The following NUBPL variants were observed in gnomAD, a reference collection of about 807,000 sequenced individuals.
The protein encoded by NUBPL is NUBP iron-sulfur cluster assembly factor, mitochondrial, also known as iron-sulfur cluster transfer protein NUBPL.
A neutral mutation model predicts 45.7 loss-of-function variants in NUBPL; 31 were observed. The observed-to-expected ratio is 0.68, with a 90% CI of 0.51 to 0.92. The LOEUF (loss-of-function observed/expected upper bound fraction) is 0.92. Among genes scored for constraint, NUBPL ranks in the 40% least tolerant of loss-of-function variants. The probability of loss-of-function intolerance (pLI) is 0.00; values close to 1 mark genes in which losing one functional copy is unlikely to be tolerated. For missense variants in NUBPL, 401 were observed against 398.7 expected (o/e 1.01, Z -0.05); for synonymous variants, 144 against 140.9 (o/e 1.02, Z -0.15).
intron 7 of NUBPL, among the ~76,000 whole-genome samples, chr14:31,823,683 G>A (rs60006676): frequency 0.35 from 53,446 of 151,848 alleles, 10,131 homozygotes; most frequent in South Asian, 0.44. Context: ...TCTAGTGCAG[G>A]CATTAGTTTT....
At chr14:31,805,685 T>A (rs2039671690) in intron 7 of NUBPL, among the ~76,000 whole-genome samples, 2 of 152,032 alleles carry the variant, frequency 1.3e-5, no homozygotes, top group African/African-American at 4.8e-5. Context: ...TGTTCTCACT[T>A]ATAAGTGGGA....
chr14:31,664,668 T>C (rs2036360989), intron 4 of NUBPL, among the ~76,000 whole-genome samples: 1 of 152,230 alleles, frequency 6.6e-6, no homozygotes, highest in East Asian at 1.9e-4. Flanking sequence ...CACATCGATG[T>C]TCATCAGGGA....
chr14:31,722,707 C>T (rs1426882864), intron 6 of NUBPL, among the ~76,000 whole-genome samples: 1 of 152,144 alleles, frequency 6.6e-6, no homozygotes, highest in Non-Finnish European at 1.5e-5. Context: ...AGCTTGTTTT[C>T]ATATGTTTGT....
At chr14:31,637,714 G>T (rs1416130311) in intron 4 of NUBPL, among the ~76,000 whole-genome samples, 2 of 152,174 alleles carry the variant, frequency 1.3e-5, no homozygotes, top group Non-Finnish European at 2.9e-5. Flanking sequence ...TTATTATTGT[G>T]TGGGAGTCTA....
At chr14:31,565,407 T>G (rs1369371661) in intron 3 of NUBPL, among the ~76,000 whole-genome samples, 2 of 152,166 alleles carry the variant, frequency 1.3e-5, no homozygotes, top group Non-Finnish European at 2.9e-5. Flanking sequence ...GTATATCCAT[T>G]AAAACAAAAT....
At chr14:31,734,605 T>TATGAAGAAAAA in intron 6 of NUBPL, among the ~76,000 whole-genome samples, 1 of 147,224 alleles carries the variant, frequency 6.8e-6, no homozygotes, top group African/African-American at 2.4e-5. Flanking sequence ...TTTCTTCATT[T>TATGAAGAAAAA]TAAGTTTCTT....
At chr14:31,582,403 T>TA (rs2033888058) in intron 3 of NUBPL, among the ~76,000 whole-genome samples, 1 of 150,392 alleles carries the variant, frequency 6.6e-6, no homozygotes, top group Non-Finnish European at 1.5e-5. Context: ...TTTTTTTTTT[T>TA]AACAGCAGAG....
chr14:31,700,640 C>T (rs984070388), intron 6 of NUBPL, among the ~76,000 whole-genome samples: 8 of 151,984 alleles, frequency 5.3e-5, no homozygotes, highest in Admixed American at 2.0e-4. Flanking sequence ...GCACTTCGAG[C>T]GGCCGGCCAG....
intron 4 of NUBPL, among the ~76,000 whole-genome samples, chr14:31,665,584 T>TGA (rs975076018): frequency 6.6e-6 from 1 of 152,168 alleles, no homozygotes; most frequent in African/African-American, 2.4e-5. Flanking sequence ...CACCATGGTG[T>TGA]GAGAGAGAGA....
intron 6 of NUBPL, among the ~76,000 whole-genome samples, chr14:31,731,886 G>T (rs1196520118): frequency 6.6e-6 from 1 of 152,032 alleles, no homozygotes; most frequent in Non-Finnish European, 1.5e-5. Context: ...TAGCTCTCTA[G>T]ATTTCTAGTT....
At chr14:31,848,077 G>A (rs1035112969) in intron 9 of NUBPL, among the ~76,000 whole-genome samples, 58 of 152,178 alleles carry the variant, frequency 3.8e-4, no homozygotes, top group African/African-American at 1.3e-3. Flanking sequence ...AGAAACAATG[G>A]TATGTATGGA....
intron 4 of NUBPL, among the ~76,000 whole-genome samples, chr14:31,605,246 G>A (rs57498770): frequency 1.6e-3 from 244 of 152,282 alleles, no homozygotes; most frequent in African/African-American, 5.5e-3. Flanking sequence ...TTGCACAAGA[G>A]AGACAACACA....
chr14:31,751,273 G>T (rs2038522584), intron 6 of NUBPL, among the ~76,000 whole-genome samples: 1 of 152,194 alleles, frequency 6.6e-6, no homozygotes, highest in South Asian at 2.1e-4. Flanking sequence ...ACTTATTCCA[G>T]CATTAACTTA....
chr14:31,802,512 G>A (rs374766852), intron 7 of NUBPL, among the ~76,000 whole-genome samples: 21 of 151,984 alleles, frequency 1.4e-4, no homozygotes, highest in East Asian at 1.2e-3. Flanking sequence ...TCCTGACCTC[G>A]TGATCCACCC....
chr14:31,650,564 C>T (rs917387311), intron 4 of NUBPL, among the ~76,000 whole-genome samples: 2 of 152,198 alleles, frequency 1.3e-5, no homozygotes, highest in Admixed American at 6.5e-5. Context: ...GTTGGGATTA[C>T]AGGCGTTAGT....
In NUBPL at chr14:31,859,178, T is replaced by C. The variant is rs1243260797; in HGVS notation, c.958T>C (p.Ter320ArgextTer49). 1 of 1,613,738 alleles carries C rather than the reference T, an allele frequency of 6.2e-7. No homozygotes were observed. The highest frequency in any genetic ancestry group is 2.2e-5 in the East Asian group (1 of 44,816). The part of the protein sequence containing the change: ...VVRRLPSPSE[*>R] ...AAGAAGATTGCCATCACCTTCAGAATGATTCCCCAAGTGTCCTGGAAATTT... is the reference window on the plus strand; with the variant it reads ...AAGAAGATTGCCATCACCTTCAGAACGATTCCCCAAGTGTCCTGGAAATTT... Residue 320 changes from the stop codon to arginine, a stop_lost, in exon 11 of 11, where the codon TGA becomes CGA. Transcript: ENST00000281081.
At chr14:31,850,499 A>G (rs912906711) in intron 10 of NUBPL, among the ~76,000 whole-genome samples, 1 of 152,188 alleles carries the variant, frequency 6.6e-6, no homozygotes, top group African/African-American at 2.4e-5. Flanking sequence ...GCAATATCTA[A>G]CTGCCCAAGA....
At chr14:31,719,751 T>C (rs1222499113) in intron 6 of NUBPL, among the ~76,000 whole-genome samples, 1 of 152,166 alleles carries the variant, frequency 6.6e-6, no homozygotes, top group Non-Finnish European at 1.5e-5. Context: ...TAATGGCCCA[T>C]TACCCCATGA....
chr14:31,721,496 AT>A (rs1009964100), intron 6 of NUBPL, among the ~76,000 whole-genome samples: 17 of 151,144 alleles, frequency 1.1e-4, no homozygotes, highest in African/African-American at 4.1e-4. Flanking sequence ...ATGTAGGGTA[AT>A]TTTTTTTTCT....
Sources: allele counts gnomAD v4.1 joint callset (sites outside exome capture counted in the v4.1 genomes callset), GRCh38; gene constraint gnomAD v4.1.1; transcripts MANE v1.5; gene names NCBI Gene and HGNC (gene_info 2026-07-23, HGNC 2026-07-21).